The following SIK3 variants were observed in gnomAD, a reference collection of about 807,000 sequenced individuals.
The protein encoded by SIK3 is SIK family kinase 3.
Under a neutral mutation model 144.2 loss-of-function variants are expected in SIK3, and 28 were observed. That is an observed-to-expected ratio of 0.19 (90% CI 0.14 to 0.27). The LOEUF is 0.27. Ranked by LOEUF, SIK3 falls within the 10% of genes least tolerant of loss-of-function variation. SIK3 has a pLI of 1.00. For missense variants in SIK3, 1,319 were observed against 1,776.0 expected, an observed-to-expected ratio of 0.74 and a Z score of 4.62; for synonymous variants, 686 against 676.3, an observed-to-expected ratio of 1.01 and a Z score of -0.22.
Position 116,859,254 on chromosome 11 carries a change from G to C in SIK3, c.2765+11C>G. ...ATGCATAGATGGCTGGGTGACGTTA[G>C]GCGGTCTTACCTGTGAGCCTCTGCA... On this transcript the variant is annotated intron_variant, in intron 20 of 24. Coordinates refer to ENST00000445177, the MANE Select transcript of SIK3 (RefSeq NM_001366686.3). The C allele has an allele frequency of 6.3e-7, 1 of 1,590,970 alleles. No homozygotes were observed. The highest frequency in any genetic ancestry group is 1.1e-5 in the South Asian group (1 of 88,826).
At chr11:117,039,501 G>GC (rs1348275895) in intron 1 of SIK3, among the ~76,000 whole-genome samples, 1 of 152,198 alleles carries the variant, frequency 6.6e-6, no homozygotes, top group African/African-American at 2.4e-5. Flanking sequence ...TATAAATGGT[G>GC]CAATGTACAC....
At chr11:117,057,062 T>C (rs1304534721) in intron 1 of SIK3, among the ~76,000 whole-genome samples, 2 of 152,258 alleles carry the variant, frequency 1.3e-5, no homozygotes, top group Non-Finnish European at 2.9e-5. Flanking sequence ...CTGTACCCTT[T>C]ACCTTGTTTC....
intron 1 of SIK3, among the ~76,000 whole-genome samples, chr11:117,060,529 A>AACCC (rs1265385393): frequency 6.6e-6 from 1 of 151,234 alleles, no homozygotes; most frequent in African/African-American, 2.4e-5. Context: ...CCCGAGAGGC[A>AACCC]GAGTTTGCAG....
intron 10 of SIK3, 50 bp downstream of exon 10, chr11:116,875,324 A>G: frequency 6.2e-7 from 1 of 1,613,158 alleles, no homozygotes; most frequent in Non-Finnish European, 8.5e-7. Flanking sequence ...AAGCAAGGAT[A>G]TGGCAAAGAA....
At chr11:116,954,218 A>C in intron 2 of SIK3, 111 bp from the exon 3 acceptor site, 1 of 751,494 alleles carries the variant, frequency 1.3e-6, no homozygotes, top group Non-Finnish European at 2.2e-6. Flanking sequence ...ACCACTATAG[A>C]TTAAAGAAAA....
At chr11:117,012,530 T>G (rs1337067730) in intron 1 of SIK3, among the ~76,000 whole-genome samples, 1 of 152,220 alleles carries the variant, frequency 6.6e-6, no homozygotes, top group Non-Finnish European at 1.5e-5. Flanking sequence ...CTGATTCATC[T>G]TCTGTCCCTA....
chr11:116,916,826 C>T (rs1299461935), intron 4 of SIK3, among the ~76,000 whole-genome samples: 2 of 150,976 alleles, frequency 1.3e-5, no homozygotes, highest in East Asian at 2.0e-4. Context: ...TTTTTTAGGT[C>T]AGGCACAGTG....
chr11:116,888,814 T>G, intron 6 of SIK3, among the ~76,000 whole-genome samples: 1 of 152,258 alleles, frequency 6.6e-6, no homozygotes, highest in Admixed American at 6.5e-5. Flanking sequence ...AGCTTTCAGG[T>G]TAACTAACAT....
In SIK3 at chr11:116,866,030, G is replaced by C. The variant is rs578077810; in HGVS notation, c.1952+1916C>G. ...TTCACATGAAAACAGACAGCAGATAGATTTCCAGCAGGCAAGGCCTTGACA... is the reference window on the plus strand; with the variant it reads ...TTCACATGAAAACAGACAGCAGATACATTTCCAGCAGGCAAGGCCTTGACA... On this transcript the variant is annotated intron_variant, in intron 15 of 24. Transcript: ENST00000445177. Among the ~76,000 whole-genome samples the C allele has an allele frequency of 7.4e-4, 112 of 152,286 alleles. 1 individual carries two copies. Among genetic ancestry groups the C allele is most frequent in the Middle Eastern group, 3.4e-3 (1 of 294 alleles).
chr11:116,922,160 A>C (rs146866951), intron 4 of SIK3, among the ~76,000 whole-genome samples: 2 of 152,316 alleles, frequency 1.3e-5, no homozygotes, highest in East Asian at 3.9e-4. Flanking sequence ...TATTCTCTCG[A>C]AGAGAACTAG....
At chr11:116,876,650 T>A (rs1034348146) in intron 7 of SIK3, among the ~76,000 whole-genome samples, 1 of 152,174 alleles carries the variant, frequency 6.6e-6, no homozygotes, top group African/African-American at 2.4e-5. Context: ...GACATCCCCA[T>A]GGTAGGTAAG....
intron 1 of SIK3, among the ~76,000 whole-genome samples, chr11:117,077,610 G>A (rs150169767): frequency 3.6e-3 from 547 of 152,134 alleles, no homozygotes; most frequent in Middle Eastern, 6.8e-3. Flanking sequence ...AAATCTCAAG[G>A]GTAACAAATC....
chr11:116,970,290 A>C (rs1032910893), intron 1 of SIK3, among the ~76,000 whole-genome samples: 3 of 152,126 alleles, frequency 2.0e-5, no homozygotes, highest in African/African-American at 7.2e-5. Context: ...AAAAAGAAAG[A>C]AAGAGAGTTA....
intron 1 of SIK3, among the ~76,000 whole-genome samples, chr11:117,082,977 C>G (rs1954853700): frequency 2.0e-5 from 3 of 152,038 alleles, no homozygotes; most frequent in African/African-American, 7.2e-5. Context: ...GCTGGAAAAA[C>G]AGAAAACCTA....
chr11:116,976,407 G>A (rs954124080), intron 1 of SIK3, among the ~76,000 whole-genome samples: 2 of 152,140 alleles, frequency 1.3e-5, no homozygotes, highest in African/African-American at 4.8e-5. Flanking sequence ...TTTTGCATAT[G>A]GTATAAAGCA....
intron 3 of SIK3, among the ~76,000 whole-genome samples, chr11:116,935,579 T>C (rs1947873025): frequency 6.6e-6 from 1 of 152,166 alleles, no homozygotes; most frequent in African/African-American, 2.4e-5. Flanking sequence ...ATCTCATATA[T>C]TACAAAAGGC....
At chr11:117,065,181 T>G (rs1272677401) in intron 1 of SIK3, among the ~76,000 whole-genome samples, 1 of 150,292 alleles carries the variant, frequency 6.7e-6, no homozygotes, top group Admixed American at 6.7e-5. Flanking sequence ...ATAACAATAA[T>G]AATAATAATA....
chr11:117,010,434 T>C (rs1461334230), intron 1 of SIK3, among the ~76,000 whole-genome samples: 1 of 152,094 alleles, frequency 6.6e-6, no homozygotes, highest in Non-Finnish European at 1.5e-5. Context: ...TAGGATGCTG[T>C]GTTCTCATGG....
chr11:116,940,231 G>GTTTTTTTT (rs759117065), intron 3 of SIK3, among the ~76,000 whole-genome samples: 2 of 135,794 alleles, frequency 1.5e-5, no homozygotes, highest in African/African-American at 2.7e-5. Flanking sequence ...AGGTTTTTTT[G>GTTTTTTTT]TTTTTTTTTT....
Sources: gnomAD v4.1 joint callset for allele counts (sites outside exome capture counted in the v4.1 genomes callset) on GRCh38, gnomAD v4.1.1 for gene constraint, MANE v1.5 for transcripts, NCBI Gene and HGNC (gene_info 2026-07-23, HGNC 2026-07-21) for gene names.